The following CEP162 variants were observed in gnomAD, a reference collection of about 807,000 sequenced individuals.
CEP162 encodes centrosomal protein 162.
CEP162 carries 141 observed loss-of-function variants against 169.2 expected under a neutral mutation model. That is an observed-to-expected ratio of 0.83 (90% CI 0.73 to 0.96). CEP162 has a LOEUF of 0.96. Among genes scored for constraint, CEP162 ranks in the 40% least tolerant of loss-of-function variants. The probability of loss-of-function intolerance (pLI) is 0.00; values close to 1 mark genes in which losing one functional copy is unlikely to be tolerated. For missense variants in CEP162, 1,600 were observed against 1,587.2 expected, an observed-to-expected ratio of 1.01 and a Z score of -0.14; for synonymous variants, 540 against 526.4, an observed-to-expected ratio of 1.03 and a Z score of -0.35.
intron 13 of CEP162, among the ~76,000 whole-genome samples, chr6:84,180,501 C>G (rs947336706): frequency 6.6e-6 from 1 of 151,480 alleles, no homozygotes; most frequent in Non-Finnish European, 1.5e-5. Context: ...CCAGGGCAAT[C>G]AGGCAGGAGA....
chr6:84,143,404 A>G (rs2099517511), intron 25 of CEP162, among the ~76,000 whole-genome samples: 1 of 152,026 alleles, frequency 6.6e-6, no homozygotes, highest in Non-Finnish European at 1.5e-5. Context: ...TCTAATATAC[A>G]TATATTTAAA....
chr6:84,204,246 A>C, intron 6 of CEP162, 150 bp from the exon 7 acceptor site: 1 of 540,010 alleles, frequency 1.9e-6, no homozygotes. Context: ...AATCTACAGA[A>C]CTCTCCAGCC....
At position 84,200,854 on chromosome 6, in the gene CEP162, T is replaced by G. The variant is rs201745753; in HGVS notation, c.770A>C (p.Gln257Pro). 6.2e-7 allele frequency: 1 copy of G among 1,612,698 alleles called. No individual in the cohort carries two copies. The highest frequency in any genetic ancestry group is 8.5e-7 in the Non-Finnish European group (1 of 1,178,882). Reference sequence around the variant, plus strand: ...CCTTGGCTTAGGTGTTATTTTATCTTGTTCATCAAGATTGACCTCTGCAAC... The same window carrying G: ...CCTTGGCTTAGGTGTTATTTTATCTGGTTCATCAAGATTGACCTCTGCAAC... ...DSVAEVNLDE[Q>P]DKITPKPRCL... is the part of the protein sequence containing the mutation. The change falls in exon 9 of 27, where the codon CAA (glutamine) becomes CCA (proline). Residue 257 changes from glutamine to proline, a missense_variant. Physicochemically the swap from Gln to Pro is moderately conservative, Grantham distance 76 (BLOSUM62 -1). Coordinates refer to ENST00000403245, the MANE Select transcript of CEP162 (RefSeq NM_014895.4).
At position 84,187,885 on chromosome 6, in the gene CEP162, C is replaced by T. The variant is rs144145336; in HGVS notation, c.1110-1262G>A. Among the ~76,000 whole-genome samples, 450 of 152,176 alleles carry T rather than the reference C, an allele frequency of 3.0e-3. 2 individuals carry two copies. Among genetic ancestry groups the T allele is most frequent in the African/African-American group, 9.9e-3 (410 of 41,520 alleles). On this transcript the variant is annotated intron_variant, in intron 11 of 26. Coordinates refer to ENST00000403245, the MANE Select transcript of CEP162 (RefSeq NM_014895.4). ...ATTACCAAAAAACTGATGAGCTCAA[C>T]ACAGAATGAGCTGGTTTGTAAGCAG...
At chr6:84,204,129 C>A (rs748907926) in intron 6 of CEP162, 33 bp from the exon 7 acceptor site, 6 of 1,329,958 alleles carry the variant, frequency 4.5e-6, no homozygotes, top group Non-Finnish European at 6.3e-6. Context: ...GTACAAAGAC[C>A]ACATTGTTAA....
At chr6:84,179,604 A>G (rs2099533892) in intron 13 of CEP162, among the ~76,000 whole-genome samples, 1 of 152,042 alleles carries the variant, frequency 6.6e-6, no homozygotes, top group African/African-American at 2.4e-5. Flanking sequence ...ATTTTCTCCC[A>G]TTGTGTAGGT....
At chr6:84,151,741 G>A (rs868684327) in intron 23 of CEP162, among the ~76,000 whole-genome samples, 10 of 151,990 alleles carry the variant, frequency 6.6e-5, no homozygotes. Context: ...AGGAGTTTTG[G>A]TCAGAGCAGC....
intron 23 of CEP162, among the ~76,000 whole-genome samples, chr6:84,152,120 T>C (rs997649973): frequency 2.6e-5 from 4 of 152,140 alleles, no homozygotes; most frequent in African/African-American, 9.7e-5. Context: ...CAAGGTCAAT[T>C]TGAAGAGTTA....
chr6:84,155,370 A>G lies in CEP162; in HGVS notation c.2922T>C (p.Ala974=). The change falls in exon 22 of 27, where the codon GCT becomes GCC. Residue 974 remains alanine, a synonymous_variant. Transcript: ENST00000403245. ...FMEKRIKKLE[A]DLEGKDEDAK... ...CATCTTCATCTTTGCCCTCCAGATCAGCTTCTAGCTTTTTTATCCTTTTCT... is the reference window on the plus strand; with the variant it reads ...CATCTTCATCTTTGCCCTCCAGATCGGCTTCTAGCTTTTTTATCCTTTTCT... 6.2e-7 allele frequency: 1 copy of G among 1,613,660 alleles called. No individual in the cohort carries two copies. Among genetic ancestry groups the G allele is most frequent in the South Asian group, 1.1e-5 (1 of 91,080 alleles).
intron 11 of CEP162, among the ~76,000 whole-genome samples, chr6:84,188,208 A>C (rs1482525152): frequency 6.6e-6 from 1 of 152,204 alleles, no homozygotes; most frequent in Non-Finnish European, 1.5e-5. Context: ...AGGGACAAGG[A>C]ATCAAATATT....
At chr6:84,141,847 C>T (rs2099516799) in intron 25 of CEP162, among the ~76,000 whole-genome samples, 3 of 152,050 alleles carry the variant, frequency 2.0e-5, no homozygotes, top group African/African-American at 7.2e-5. Context: ...GCCTCCATTA[C>T]AAAAATATTC....
intron 5 of CEP162, among the ~76,000 whole-genome samples, chr6:84,213,730 G>A (rs115010677): frequency 1.3e-5 from 2 of 152,226 alleles, no homozygotes; most frequent in African/African-American, 4.8e-5. Flanking sequence ...AATATCAATA[G>A]ATAAGAATAC....
rs138633533 is a variant in CEP162 at position 84,152,818 on chromosome 6, A to G, written c.3356T>C (p.Leu1119Pro). 5.6e-6 allele frequency: 9 copies of G among 1,613,610 alleles called. No individual in the cohort carries two copies. Among genetic ancestry groups the G allele is most frequent in the African/African-American group, 1.3e-5 (1 of 75,026 alleles). The change falls in exon 23 of 27, where the codon CTA becomes CCA. Residue 1119 changes from leucine to proline, a missense_variant. By Grantham distance (98) the Leu-to-Pro change is moderately conservative (BLOSUM62 -3). Transcript: ENST00000403245. ...ERLQKDRRMM[L>P]SNQNSKGREE... ...TCTGCCCTTTGAGTTCTGATTTGAT[A>G]GCATCATTCTTCTGTCTTTCTGAAG...
chr6:84,155,252 C>T (rs1464330181), intron 22 of CEP162, 46 bp downstream of exon 22: 1 of 1,415,918 alleles, frequency 7.1e-7, no homozygotes, highest in Admixed American at 1.8e-5. Context: ...TGCCTGCCCC[C>T]ATTGTTCATC....
intron 25 of CEP162, among the ~76,000 whole-genome samples, chr6:84,137,695 G>A (rs976119892): frequency 6.6e-6 from 1 of 152,148 alleles, no homozygotes; most frequent in Non-Finnish European, 1.5e-5. Context: ...ACTGCAGGGT[G>A]TGAAGAAATA....
Position 84,163,253 on chromosome 6 carries a change from TA to T in CEP162, c.2402del (p.Leu801TyrfsTer8). ...GTTTCAGTCTTTTGATGTCTTCCAATAAACTGTCTTTTTCTTTCTTGATATT... is the reference window on the plus strand; with the variant it reads ...GTTTCAGTCTTTTGATGTCTTCCAATAACTGTCTTTTTCTTTCTTGATATT... ...LRMAQKEKDSLLEDIKRLKQD... is the reference protein window; with the variant it reads ...LRMAQKEKDSXLEDIKRLKQD... On this transcript the variant is annotated frameshift_variant, in exon 19 of 27. Coordinates refer to ENST00000403245, the MANE Select transcript of CEP162 (RefSeq NM_014895.4). LOFTEE classifies it high-confidence loss of function. 1 of 1,606,814 alleles carries T rather than the reference TA, an allele frequency of 6.2e-7. No homozygotes were observed. The highest frequency in any genetic ancestry group is 8.5e-7 in the Non-Finnish European group (1 of 1,175,452).
intron 6 of CEP162, among the ~76,000 whole-genome samples, chr6:84,207,405 A>G (rs986729166): frequency 6.6e-6 from 1 of 152,172 alleles, no homozygotes; most frequent in African/African-American, 2.4e-5. Context: ...GGATGAGTTC[A>G]TGTCCTTTGT....
rs1443976559 is a variant in CEP162, at chr6:84,186,626, A to G, written c.1110-3T>C. On this transcript the variant is annotated splice_polypyrimidine_tract_variant and splice_region_variant and intron_variant, in intron 11 of 26. Coordinates refer to ENST00000403245, the MANE Select transcript of CEP162 (RefSeq NM_014895.4). Reference sequence around the variant, plus strand: ...TTCTTTCGGCCACTTTCTCAGAGCTATAAAACAAAACAGGACACAGATAAT... The same window carrying G: ...TTCTTTCGGCCACTTTCTCAGAGCTGTAAAACAAAACAGGACACAGATAAT... The G allele has an allele frequency of 6.3e-7, 1 of 1,594,348 alleles. No homozygotes were observed. Among genetic ancestry groups the G allele is most frequent in the East Asian group, 2.2e-5 (1 of 44,654 alleles).
chr6:84,163,291 T>G, intron 18 of CEP162, 21 bp from the exon 19 acceptor site: 1 of 1,567,630 alleles, frequency 6.4e-7, no homozygotes, highest in South Asian at 1.1e-5. Context: ...AAAAGAAATA[T>G]AAAAGCAAGT....
Sources: allele counts gnomAD v4.1 joint callset (sites outside exome capture counted in the v4.1 genomes callset), GRCh38; gene constraint gnomAD v4.1.1; transcripts MANE v1.5; gene names NCBI Gene and HGNC (gene_info 2026-07-23, HGNC 2026-07-21).